NCALD: variants seen among roughly 807,000 people sequenced by gnomAD.
NCALD encodes neurocalcin delta.
A neutral mutation model predicts 18.6 loss-of-function variants in NCALD; 10 were observed. That is an observed-to-expected ratio of 0.54 (90% confidence interval 0.33 to 0.91). NCALD has a LOEUF of 0.91. Ranked by LOEUF, NCALD falls within the 40% of genes least tolerant of loss-of-function variation. The pLI is 0.03. For synonymous variants in NCALD, 88 were observed against 87.4 expected (o/e 1.01, Z -0.04); for missense variants, 184 against 247.6 (o/e 0.74, Z 1.72).
intron 4 of NCALD, among the ~76,000 whole-genome samples, chr8:101,871,467 A>C (rs477236): frequency 0.28 from 42,333 of 151,882 alleles, 6,218 homozygotes; most frequent in East Asian, 0.39. Context: ...ACATGCTAGA[A>C]CCCAACACAG....
At chr8:101,750,474 C>T (rs1810609472) in intron 1 of NCALD, 1 of 152,272 alleles carries the variant, frequency 6.6e-6, no homozygotes, top group Non-Finnish European at 1.5e-5. Context: ...CAGAGAAACC[C>T]CCAGGAGAGA....
intron 2 of NCALD, among the ~76,000 whole-genome samples, chr8:101,996,418 G>A (rs544707616): frequency 1.2e-4 from 19 of 152,234 alleles, no homozygotes; most frequent in Non-Finnish European, 2.5e-4. Context: ...GACACAAGGT[G>A]AAGAAGCAAG....
chr8:101,797,122 C>T (rs1220421450), intron 4 of NCALD, among the ~76,000 whole-genome samples: 1 of 152,214 alleles, frequency 6.6e-6, no homozygotes, highest in Admixed American at 6.5e-5. Flanking sequence ...GCCCTGATGT[C>T]CTTGGGCACA....
intron 2 of NCALD, among the ~76,000 whole-genome samples, chr8:102,012,552 T>C (rs1056952867): frequency 6.6e-6 from 1 of 152,204 alleles, no homozygotes; most frequent in Non-Finnish European, 1.5e-5. Flanking sequence ...ACTCCTCTAG[T>C]GCGGGGAGTA....
intron 1 of NCALD, among the ~76,000 whole-genome samples, chr8:102,034,337 A>C (rs141012759): frequency 6.6e-6 from 1 of 152,348 alleles, no homozygotes; most frequent in East Asian, 1.9e-4. Context: ...CCCCCTTATC[A>C]GGGAACTAGT....
At chr8:101,920,630 GA>G (rs1818128308) in intron 2 of NCALD, among the ~76,000 whole-genome samples, 1 of 152,180 alleles carries the variant, frequency 6.6e-6, no homozygotes, top group Non-Finnish European at 1.5e-5. Flanking sequence ...TACAGGAGCA[GA>G]AAACCAAATA....
intron 1 of NCALD, among the ~76,000 whole-genome samples, chr8:102,022,428 T>C (rs780484280): frequency 6.6e-6 from 1 of 152,238 alleles, no homozygotes; most frequent in Non-Finnish European, 1.5e-5. Flanking sequence ...TTAGCTCAGA[T>C]GACTGCACTC....
At chr8:101,816,517 C>A (rs922030541) in intron 4 of NCALD, among the ~76,000 whole-genome samples, 3 of 152,152 alleles carry the variant, frequency 2.0e-5, no homozygotes, top group African/African-American at 7.2e-5. Flanking sequence ...TGTCTTTGTT[C>A]AACCTAATGT....
chr8:102,067,481 C>T (rs1322791684), intron 1 of NCALD, among the ~76,000 whole-genome samples: 1 of 151,856 alleles, frequency 6.6e-6, no homozygotes, highest in Admixed American at 6.6e-5. Flanking sequence ...ACAAAACTGT[C>T]CTTATATGAC....
chr8:102,063,837 C>T (rs1823920417), intron 1 of NCALD, among the ~76,000 whole-genome samples: 1 of 152,160 alleles, frequency 6.6e-6, no homozygotes, highest in African/African-American at 2.4e-5. Flanking sequence ...CTTGCTCTTC[C>T]AGGAAAACTT....
At chr8:101,938,384 A>T (rs1245673788) in intron 2 of NCALD, among the ~76,000 whole-genome samples, 1 of 152,192 alleles carries the variant, frequency 6.6e-6, no homozygotes, top group Non-Finnish European at 1.5e-5. Context: ...GAGGTTTGGA[A>T]GTCCTCCACG....
At chr8:101,894,192 C>T (rs1410261338) in intron 3 of NCALD, among the ~76,000 whole-genome samples, 3 of 133,152 alleles carry the variant, frequency 2.3e-5, no homozygotes, top group African/African-American at 1.0e-4. Flanking sequence ...CAAACTAGAA[C>T]TCAGGATTAA....
At chr8:101,933,579 G>A (rs1289186621) in intron 2 of NCALD, among the ~76,000 whole-genome samples, 1 of 152,202 alleles carries the variant, frequency 6.6e-6, no homozygotes, top group Non-Finnish European at 1.5e-5. Context: ...AGCAGCAATA[G>A]GAAACTGATA....
intron 2 of NCALD, among the ~76,000 whole-genome samples, chr8:101,705,098 G>A (rs1191406438): frequency 4.0e-5 from 6 of 151,560 alleles, no homozygotes; most frequent in Non-Finnish European, 5.9e-5. Flanking sequence ...ATGGTGGTGC[G>A]CACCTGTAAT....
At chr8:102,021,193 C>T (rs955412340) in intron 1 of NCALD, among the ~76,000 whole-genome samples, 3 of 152,158 alleles carry the variant, frequency 2.0e-5, no homozygotes, top group African/African-American at 7.2e-5. Flanking sequence ...ATGCCTAGAC[C>T]AGGACTGGTC....
rs139968663 is a variant in NCALD at position 101,870,129 on chromosome 8, A to G, written c.-20+17012T>C. 2.1e-3 allele frequency among the ~76,000 whole-genome samples: 313 copies of G among 152,358 alleles called. 1 individual carries two copies. The highest frequency in any genetic ancestry group is 6.8e-3 in the African/African-American group (284 of 41,590). ...ACTCACCAGACGAAGAGGGGACTCA[A>G]TTAGGTGTTGTGTTCTTTCCAACTC... On this transcript the variant is annotated intron_variant, in intron 4 of 6. Transcript: ENST00000311028.
At chr8:101,735,658 C>G (rs1809872150) in intron 1 of NCALD, among the ~76,000 whole-genome samples, 1 of 151,946 alleles carries the variant, frequency 6.6e-6, no homozygotes, top group South Asian at 2.1e-4. Context: ...ACTGAACATC[C>G]CGCATTTTTA....
At chr8:101,937,456 G>A (rs1010750621) in intron 2 of NCALD, among the ~76,000 whole-genome samples, 1 of 152,122 alleles carries the variant, frequency 6.6e-6, no homozygotes, top group African/African-American at 2.4e-5. Flanking sequence ...TTCTGTTACT[G>A]CATTAGTTTG....
intron 1 of NCALD, among the ~76,000 whole-genome samples, chr8:102,100,976 T>G (rs1025177018): frequency 3.3e-5 from 5 of 152,180 alleles, no homozygotes; most frequent in Admixed American, 3.3e-4. Context: ...AGATGGATGG[T>G]GGTGATGGTT....
Sources: gnomAD v4.1 joint callset for allele counts (sites outside exome capture counted in the v4.1 genomes callset) on GRCh38, gnomAD v4.1.1 for gene constraint, MANE v1.5 for transcripts, NCBI Gene and HGNC (gene_info 2026-07-23, HGNC 2026-07-21) for gene names.